The following TRIR variants were observed in gnomAD, a reference collection of about 807,000 sequenced individuals.
TRIR encodes telomerase RNA component-interacting RNase.
Under a neutral mutation model 18.2 loss-of-function variants are expected in TRIR, and 5 were observed. That is an observed-to-expected ratio of 0.27 (90% CI 0.14 to 0.58). The LOEUF is 0.58. Ranked by LOEUF, TRIR falls within the 20% of genes least tolerant of loss-of-function variation. The probability of loss-of-function intolerance (pLI) is 0.91; values close to 1 mark genes in which losing one functional copy is unlikely to be tolerated. For synonymous variants in TRIR, 134 were observed against 114.4 expected, an observed-to-expected ratio of 1.17 and a Z score of -1.10; for missense variants, 206 against 252.8, an observed-to-expected ratio of 0.81 and a Z score of 1.25.
rs1967497956 is a variant in TRIR at position 12,734,517 on chromosome 19, C to T, written c.141G>A (p.Ala47=). The change falls in exon 1 of 3, where the codon GCG becomes GCA. Residue 47 remains alanine (A), a synonymous_variant. Coordinates refer to ENST00000242784, the MANE Select transcript of TRIR (RefSeq NM_024038.4). The surrounding 1 kb of genome is among the most constrained non-coding windows in gnomAD (Gnocchi z 4.1). Reference sequence around the variant, plus strand: ...CGCCGCCCGACACCGGGCTCGAACCCGCGCCCGACACCTCCTCGTCCCCGC... The same window carrying T: ...CGCCGCCCGACACCGGGCTCGAACCTGCGCCCGACACCTCCTCGTCCCCGC... ...PESGDEEVSG[A]GSSPVSGGVN... The T allele has an allele frequency of 3.3e-6, 5 of 1,535,996 alleles. No individual in the cohort carries two copies. In the South Asian group the frequency reaches 3.6e-5, roughly 11 times the overall value.
At position 12,730,894 on chromosome 19, in the gene TRIR, G is replaced by T; in HGVS notation, c.*67C>A. 1 of 1,429,720 alleles carries T rather than the reference G, an allele frequency of 7.0e-7. No homozygotes were observed. Among genetic ancestry groups the T allele is most frequent in the Non-Finnish European group, 9.9e-7 (1 of 1,014,626 alleles). The allele number at this position is 1,429,720 out of a possible 1,614,324, so 88.6% of individuals were successfully genotyped here. On this transcript the variant is annotated 3_prime_UTR_variant, in exon 3 of 3. Transcript: ENST00000242784. ...CCTCTCAGGGAAGGCTGTCGCCGCTGCCGCTGCATTAAATAGTTATGTACA... is the reference window on the plus strand; with the variant it reads ...CCTCTCAGGGAAGGCTGTCGCCGCTTCCGCTGCATTAAATAGTTATGTACA...
intron 1 of TRIR, among the ~76,000 whole-genome samples, chr19:12,732,518 C>T (rs1426609704): frequency 6.6e-6 from 1 of 152,162 alleles, no homozygotes; most frequent in Non-Finnish European, 1.5e-5. Context: ...TGATTGAGGG[C>T]TTCCTGCGCT....
chr19:12,733,741 G>A (rs1967477486), intron 1 of TRIR, among the ~76,000 whole-genome samples: 1 of 152,078 alleles, frequency 6.6e-6, no homozygotes, highest in African/African-American at 2.4e-5. Flanking sequence ...TTGCAACTAG[G>A]GAAAATGAGG....
At position 12,734,283 on chromosome 19, in the gene TRIR, G is replaced by C; in HGVS notation, c.345+30C>G. 7.2e-7 allele frequency: 1 copy of C among 1,382,076 alleles called. No homozygotes were observed. The allele number at this position is 1,382,076 out of a possible 1,614,324, so 85.6% of individuals were successfully genotyped here. A position where few individuals can be genotyped will look rare whatever the true frequency, so the allele number is the denominator to read the frequency against. ...ACTCCCGCTGCCAAGACAGGCCGTGGCGCCCGCCCCCACCCCCACGGCTCC... is the reference window on the plus strand; with the variant it reads ...ACTCCCGCTGCCAAGACAGGCCGTGCCGCCCGCCCCCACCCCCACGGCTCC... On this transcript the variant is annotated intron_variant, in intron 1 of 2. Transcript: ENST00000242784. The surrounding 1 kb of genome is among the most constrained non-coding windows in gnomAD (Gnocchi z 4.1).
chr19:12,732,326 G>A (rs1230107768), intron 1 of TRIR, among the ~76,000 whole-genome samples: 3 of 152,014 alleles, frequency 2.0e-5, no homozygotes, highest in Non-Finnish European at 2.9e-5. Flanking sequence ...CTTTGAGGGT[G>A]CAGCCAAAAT....
In TRIR at chr19:12,734,211, C is replaced by G. The variant is rs939978744; in HGVS notation, c.345+102G>C. The stretch of plus-strand genomic sequence containing the variant: ...GGGTGACCCGGACGGGCCCCTCATT[C>G]AGAACGGAAAGTGGACTTCGGTCCC... On this transcript the variant is annotated intron_variant, in intron 1 of 2. Transcript: ENST00000242784. This position sits in a 1 kb window ranked among gnomAD's most constrained non-coding sequence, Gnocchi z 4.1. 8 of 1,192,572 alleles carry G rather than the reference C, an allele frequency of 6.7e-6. No individual in the cohort carries two copies. Among genetic ancestry groups the G allele is most frequent in the Non-Finnish European group, 8.8e-6 (8 of 906,746 alleles). The allele number at this position is 1,192,572 out of a possible 1,614,324, so 73.9% of individuals were successfully genotyped here. A position where few individuals can be genotyped will look rare whatever the true frequency, so the allele number is the denominator to read the frequency against.
chr19:12,734,660 T>G lies in TRIR; in HGVS notation c.-3A>C. ...GCCCGTCTCCCTCGGGCAGCCATTTTGTCGCCAGGTGCCGCGCAAAGGACT... is the reference window on the plus strand; with the variant it reads ...GCCCGTCTCCCTCGGGCAGCCATTTGGTCGCCAGGTGCCGCGCAAAGGACT... On this transcript the variant is annotated 5_prime_UTR_variant, in exon 1 of 3. Transcript: ENST00000242784. This position sits in a 1 kb window ranked among gnomAD's most constrained non-coding sequence, Gnocchi z 4.1. 6.7e-7 allele frequency: 1 copy of G among 1,503,028 alleles called. No individual in the cohort carries two copies. The highest frequency in any genetic ancestry group is 1.4e-5 in the African/African-American group (1 of 69,000). The allele number at this position is 1,503,028 out of a possible 1,614,324, so 93.1% of individuals were successfully genotyped here.
In TRIR at chr19:12,734,034, A is replaced by G. The variant is rs1967484045; in HGVS notation, c.345+279T>C. Among the ~76,000 whole-genome samples, 1 of 152,200 alleles carries G rather than the reference A, an allele frequency of 6.6e-6. No homozygotes were observed. On this transcript the variant is annotated intron_variant, in intron 1 of 2. Transcript: ENST00000242784. This position sits in a 1 kb window ranked among gnomAD's most constrained non-coding sequence, Gnocchi z 4.1. ...TGACCCAAGGTCCGGGTACCACTCA[A>G]ACAGGAATCCTGATATCCACGTTTC...
At position 12,731,214 on chromosome 19, in the gene TRIR, T is replaced by C. The variant is rs757959761; in HGVS notation, c.423+130A>G. The stretch of plus-strand genomic sequence containing the variant: ...AAAGTCAAGTTATCTGGGGACCCAT[T>C]GACAGCCCTCCTACCCTGCCAGGCA... On this transcript the variant is annotated intron_variant, in intron 2 of 2. Coordinates refer to ENST00000242784, the MANE Select transcript of TRIR (RefSeq NM_024038.4). The surrounding 1 kb of genome is among the most constrained non-coding windows in gnomAD (Gnocchi z 5.1). 1.9e-5 allele frequency: 25 copies of C among 1,303,092 alleles called. No individual in the cohort carries two copies. The highest frequency in any genetic ancestry group is 7.0e-5 in the Admixed American group (4 of 57,368). The allele number at this position is 1,303,092 out of a possible 1,614,324, so 80.7% of individuals were successfully genotyped here.
chr19:12,732,375 C>A (rs1489162200), intron 1 of TRIR, among the ~76,000 whole-genome samples: 1 of 152,110 alleles, frequency 6.6e-6, no homozygotes, highest in African/African-American at 2.4e-5. Flanking sequence ...GCAACGACGA[C>A]TGCTACTCCC....
At position 12,731,691 on chromosome 19, in the gene TRIR, C is replaced by T. The variant is rs1404526045; in HGVS notation, c.346-270G>A. The T allele has an allele frequency of 1.4e-5, 7 of 505,354 alleles. No homozygotes were observed. The highest frequency in any genetic ancestry group is 2.1e-5 in the Non-Finnish European group (6 of 284,346). 31.3% of individuals were successfully genotyped at this position (505,354 alleles called of 1,614,324 possible). A position where few individuals can be genotyped will look rare whatever the true frequency, so the allele number is the denominator to read the frequency against. On this transcript the variant is annotated intron_variant, in intron 1 of 2. Coordinates refer to ENST00000242784, the MANE Select transcript of TRIR (RefSeq NM_024038.4). The surrounding 1 kb of genome is among the most constrained non-coding windows in gnomAD (Gnocchi z 5.1). ...TCTCACTTTCCACGCCAAGGCCTCA[C>T]CCTCCCTAGCAGGGACCACAAGAGG...
At position 12,732,625 on chromosome 19, in the gene TRIR, T is replaced by TA. The variant is rs563169169; in HGVS notation, c.346-1205dup. On this transcript the variant is annotated intron_variant, in intron 1 of 2. Transcript: ENST00000242784. Reference sequence around the variant, plus strand: ...TTTTTTTTTTTTGGAGACAGAGTCTTACTGTCGAGGCTGGAGTGCAGTGGC... The same window carrying TA: ...TTTTTTTTTTTTGGAGACAGAGTCTTAACTGTCGAGGCTGGAGTGCAGTGGC... Among the ~76,000 whole-genome samples, 254 of 151,918 alleles carry TA rather than the reference T, an allele frequency of 1.7e-3. 2 individuals are homozygous for TA. The highest frequency in any genetic ancestry group is 5.8e-3 in the African/African-American group (239 of 41,404).
At position 12,734,304 on chromosome 19, in the gene TRIR, G is replaced by T; in HGVS notation, c.345+9C>A. On this transcript the variant is annotated intron_variant, in intron 1 of 2. Coordinates refer to ENST00000242784, the MANE Select transcript of TRIR (RefSeq NM_024038.4). The surrounding 1 kb of genome is among the most constrained non-coding windows in gnomAD (Gnocchi z 4.1). ...CGTGGCGCCCGCCCCCACCCCCACG[G>T]CTCCTTACGAAGCTAAGTGTGGAGC... 1 of 1,395,624 alleles carries T rather than the reference G, an allele frequency of 7.2e-7. No homozygotes were observed. Among genetic ancestry groups the T allele is most frequent in the Non-Finnish European group, 9.3e-7 (1 of 1,075,400 alleles). The allele number at this position is 1,395,624 out of a possible 1,614,324, so 86.5% of individuals were successfully genotyped here.
intron 1 of TRIR, among the ~76,000 whole-genome samples, chr19:12,733,933 GGTCTGA>G (rs1302344442): frequency 1.3e-5 from 2 of 152,180 alleles, no homozygotes; most frequent in African/African-American, 2.4e-5. Context: ...CATAGTACGT[GGTCTGA>G]GTCTAACACA....
rs756664528 is a variant in TRIR at position 12,734,649 on chromosome 19, G to A, written c.9C>T (p.Ala3=). ...CCTGAGGCTCCGCCCGTCTCCCTCGGGCAGCCATTTTGTCGCCAGGTGCCG... is the reference window on the plus strand; with the variant it reads ...CCTGAGGCTCCGCCCGTCTCCCTCGAGCAGCCATTTTGTCGCCAGGTGCCG... MA[A]RGRRAEPQGR... Residue 3 remains alanine, a synonymous_variant, in exon 1 of 3, where the codon GCC becomes GCT. Transcript: ENST00000242784. The surrounding 1 kb of genome is among the most constrained non-coding windows in gnomAD (Gnocchi z 4.1). 1.5e-5 allele frequency: 23 copies of A among 1,506,856 alleles called. 1 individual carries two copies. The South Asian group carries it at 2.2e-4, about 15-fold the overall frequency. The allele number at this position is 1,506,856 out of a possible 1,614,324, so 93.3% of individuals were successfully genotyped here.
chr19:12,732,792 G>A (rs762496125), intron 1 of TRIR, among the ~76,000 whole-genome samples: 23 of 152,166 alleles, frequency 1.5e-4, no homozygotes, highest in East Asian at 3.9e-4. Context: ...GTTTCACCAC[G>A]TTGGCCAGGC....
chr19:12,734,457 C>T lies in TRIR; in HGVS notation c.201G>A (p.Glu67=). ...NLFANDGSFL[E]LFKRKMEEEQ... ...CCTCCTCCATCTTCCGCTTGAACAG[C>T]TCCAGGAAGCTGCCGTCGTTGGCGA... The change falls in exon 1 of 3, where the codon GAG becomes GAA. Residue 67 remains glutamate (E), a synonymous_variant. Transcript: ENST00000242784. The surrounding 1 kb of genome is among the most constrained non-coding windows in gnomAD (Gnocchi z 4.1). 1.3e-6 allele frequency: 2 copies of T among 1,536,072 alleles called. No homozygotes were observed. Among genetic ancestry groups the T allele is most frequent in the Non-Finnish European group, 1.7e-6 (2 of 1,142,894 alleles).
chr19:12,734,023 G>C lies in TRIR; in HGVS notation c.345+290C>G, dbSNP rs1341273454. On this transcript the variant is annotated intron_variant, in intron 1 of 2. Transcript: ENST00000242784. This position sits in a 1 kb window ranked among gnomAD's most constrained non-coding sequence, Gnocchi z 4.1. ...TGGTGGTCCCATGACCCAAGGTCCG[G>C]GTACCACTCAAACAGGAATCCTGAT... is the stretch of plus-strand genomic sequence containing the variant. Among the ~76,000 whole-genome samples the C allele has an allele frequency of 6.6e-6, 1 of 152,164 alleles. No homozygotes were observed. The highest frequency in any genetic ancestry group is 1.5e-5 in the Non-Finnish European group (1 of 68,030).
rs1387644234 is a variant in TRIR, at chr19:12,734,604, G to A, written c.54C>T (p.Pro18=). 8.6e-6 allele frequency: 13 copies of A among 1,518,860 alleles called. No individual in the cohort carries two copies. The highest frequency in any genetic ancestry group is 2.0e-5 in the Admixed American group (1 of 49,420). The allele number at this position is 1,518,860 out of a possible 1,614,324, so 94.1% of individuals were successfully genotyped here. Residue 18 remains proline, a synonymous_variant, in exon 1 of 3, where the codon CCC becomes CCT. Transcript: ENST00000242784. This position sits in a 1 kb window ranked among gnomAD's most constrained non-coding sequence, Gnocchi z 4.1. The part of the protein sequence containing the change: ...AEPQGREAPG[P]AGGGGGGSRW... ...GGCTCCCGCCACCGCCACCGCCCGC[G>A]GGGCCCGGAGCCTCCCGGCCCTGAG...
Sources: allele counts gnomAD v4.1 joint callset (sites outside exome capture counted in the v4.1 genomes callset), GRCh38; gene constraint gnomAD v4.1.1; non-coding constraint Gnocchi (gnomAD v3.1); transcripts MANE v1.5; gene names NCBI Gene and HGNC (gene_info 2026-07-23, HGNC 2026-07-21).